JARID2: variants seen among roughly 807,000 people sequenced by gnomAD.
The protein encoded by JARID2 is protein Jumonji.
A neutral mutation model predicts 125.6 loss-of-function variants in JARID2; 21 were observed. That is an observed-to-expected ratio of 0.17 (90% confidence interval 0.12 to 0.24). The LOEUF is 0.24. JARID2 is among the 10% of genes least tolerant of loss of function. The probability of loss-of-function intolerance (pLI) is 1.00; values close to 1 mark genes in which losing one functional copy is unlikely to be tolerated. For synonymous variants in JARID2, 736 were observed against 661.6 expected, an observed-to-expected ratio of 1.11 and a Z score of -1.73; for missense variants, 1,303 against 1,639.6, an observed-to-expected ratio of 0.79 and a Z score of 3.55.
chr6:15,478,762 C>T (rs1432147892), intron 5 of JARID2, among the ~76,000 whole-genome samples: 13 of 151,974 alleles, frequency 8.6e-5, no homozygotes, highest in Non-Finnish European at 1.5e-4. Context: ...CTCCACCTCC[C>T]GGGTTCAAGC....
At chr6:15,474,374 T>G (rs1769238870) in intron 5 of JARID2, among the ~76,000 whole-genome samples, 1 of 152,152 alleles carries the variant, frequency 6.6e-6, no homozygotes, top group Non-Finnish European at 1.5e-5. Context: ...TTGCTCAATA[T>G]GCATATTTGT....
At position 15,517,299 on chromosome 6, in the gene JARID2, C is replaced by T. The variant is rs778238719; in HGVS notation, c.3558+31C>T. ...TCCCTGCCCGCGGGGTAGGGCAGGG[C>T]GGCAGCGTGGCGCCTTCCCTGCTCC... On this transcript the variant is annotated intron_variant, in intron 17 of 17. Transcript: ENST00000341776. The T allele has an allele frequency of 1.6e-5, 23 of 1,483,060 alleles. 1 individual carries two copies. In the Admixed American group the frequency reaches 2.8e-4, roughly 18 times the overall value. 91.9% of individuals were successfully genotyped at this position (1,483,060 alleles called of 1,614,324 possible).
intron 16 of JARID2, among the ~76,000 whole-genome samples, chr6:15,514,989 A>AGT (rs1211744072): frequency 6.6e-6 from 1 of 152,112 alleles, no homozygotes; most frequent in Non-Finnish European, 1.5e-5. Context: ...AGATCTTCAA[A>AGT]GTATCTTATA....
intron 1 of JARID2, among the ~76,000 whole-genome samples, chr6:15,254,625 T>C (rs762124779): frequency 6.6e-6 from 1 of 152,106 alleles, no homozygotes; most frequent in South Asian, 2.1e-4. Flanking sequence ...TCAATTGGAT[T>C]TTAAGTTCTA....
At chr6:15,485,502 G>A (rs1170782141) in intron 5 of JARID2, among the ~76,000 whole-genome samples, 1 of 152,084 alleles carries the variant, frequency 6.6e-6, no homozygotes, top group African/African-American at 2.4e-5. Context: ...CACTAATAAT[G>A]TAGTGTATAC....
chr6:15,519,690 TAAAG>T (rs1391287260), intron 17 of JARID2, among the ~76,000 whole-genome samples: 2 of 152,208 alleles, frequency 1.3e-5, no homozygotes, highest in Non-Finnish European at 2.9e-5. Flanking sequence ...GGCCGGTAGC[TAAAG>T]TGAGTCAAGT....
At chr6:15,409,652 A>G (rs1411145660) in intron 2 of JARID2, among the ~76,000 whole-genome samples, 1 of 152,234 alleles carries the variant, frequency 6.6e-6, no homozygotes, top group Non-Finnish European at 1.5e-5. Context: ...CTGCTATCAT[A>G]GAGAATCCTT....
At chr6:15,501,747 G>A (rs767650289) in intron 8 of JARID2, among the ~76,000 whole-genome samples, 18 of 152,272 alleles carry the variant, frequency 1.2e-4, no homozygotes, top group Non-Finnish European at 2.2e-4. Context: ...AAGATACCAC[G>A]AGTCCATTCC....
chr6:15,473,586 G>A (rs115848191), intron 5 of JARID2, among the ~76,000 whole-genome samples: 1,770 of 147,564 alleles, frequency 0.012, 22 homozygotes, highest in Middle Eastern at 0.025. Flanking sequence ...TAAGAGGGGG[G>A]TGGTGTGATC....
In JARID2 at chr6:15,421,829, C is replaced by G. The variant is rs576744237; in HGVS notation, c.323+11464C>G. 5.3e-5 allele frequency among the ~76,000 whole-genome samples: 8 copies of G among 152,252 alleles called. No homozygotes were observed. The East Asian group carries it at 9.7e-4, about 18-fold the overall frequency. ...TCTGGACAGCAGTTGGCTTGGTGAG[C>G]TGTACTGGGGGTGGGGGTGCAGTTT... is the stretch of plus-strand genomic sequence containing the variant. On this transcript the variant is annotated intron_variant, in intron 3 of 17. Coordinates refer to ENST00000341776, the MANE Select transcript of JARID2 (RefSeq NM_004973.4).
chr6:15,518,304 G>A (rs1561922366), intron 17 of JARID2, among the ~76,000 whole-genome samples: 1 of 152,206 alleles, frequency 6.6e-6, no homozygotes, highest in East Asian at 1.9e-4. Flanking sequence ...CCAGCAGCCT[G>A]TTTCTGTAGT....
chr6:15,285,781 T>TG (rs1383899959), intron 1 of JARID2, among the ~76,000 whole-genome samples: 7 of 152,194 alleles, frequency 4.6e-5, no homozygotes, highest in African/African-American at 1.7e-4. Context: ...TTTCTAGCCA[T>TG]GCATCCTTTT....
At chr6:15,263,869 A>G (rs984575362) in intron 1 of JARID2, among the ~76,000 whole-genome samples, 1 of 152,188 alleles carries the variant, frequency 6.6e-6, no homozygotes, top group Non-Finnish European at 1.5e-5. Flanking sequence ...CTGGGATTAC[A>G]GGCGTGAGCC....
chr6:15,318,628 A>C (rs912267506), intron 1 of JARID2, among the ~76,000 whole-genome samples: 13 of 152,090 alleles, frequency 8.5e-5, no homozygotes, highest in African/African-American at 3.1e-4. Context: ...CCCTTTCCTT[A>C]CAAGGCATCT....
intron 1 of JARID2, among the ~76,000 whole-genome samples, chr6:15,298,829 C>G (rs922603109): frequency 6.6e-6 from 1 of 151,992 alleles, no homozygotes; most frequent in Non-Finnish European, 1.5e-5. Flanking sequence ...TTTTTACTCT[C>G]CATACTCAGT....
Position 15,494,413 on chromosome 6 carries a change from CT to C in JARID2, c.907-1699del, listed in dbSNP as rs60218567. Among the ~76,000 whole-genome samples, 226 of 80,578 alleles carry C rather than the reference CT, an allele frequency of 2.8e-3. 4 individuals are homozygous for C. Among genetic ancestry groups the C allele is most frequent in the African/African-American group, 8.9e-3 (178 of 19,970 alleles). 52.9% of individuals were successfully genotyped at this position (80,578 alleles called of 152,430 possible). On this transcript the variant is annotated intron_variant, in intron 6 of 17. Coordinates refer to ENST00000341776, the MANE Select transcript of JARID2 (RefSeq NM_004973.4). ...ACTGGTTTGGATGTTTTTGGCAAGT[CT>C]TTTTTTTTTTTTTTTTTTTGAGACA...
At chr6:15,346,901 A>G (rs1763261632) in intron 1 of JARID2, among the ~76,000 whole-genome samples, 1 of 151,302 alleles carries the variant, frequency 6.6e-6, no homozygotes, top group South Asian at 2.1e-4. Context: ...ACACCCATCT[A>G]ATTTTTGTAT....
chr6:15,479,899 C>T (rs1320013342), intron 5 of JARID2, among the ~76,000 whole-genome samples: 1 of 152,224 alleles, frequency 6.6e-6, no homozygotes, highest in Admixed American at 6.5e-5. Flanking sequence ...TCCATTTGAA[C>T]TGTTGGCACA....
At chr6:15,487,745 A>G (rs1000020201) in intron 6 of JARID2, among the ~76,000 whole-genome samples, 10 of 152,224 alleles carry the variant, frequency 6.6e-5, no homozygotes, top group Non-Finnish European at 1.3e-4. Flanking sequence ...TTGGATTTGC[A>G]TTCATCCCTG....
Sources: gnomAD v4.1 joint callset for allele counts (sites outside exome capture counted in the v4.1 genomes callset) on GRCh38, gnomAD v4.1.1 for gene constraint, MANE v1.5 for transcripts, NCBI Gene and HGNC (gene_info 2026-07-23, HGNC 2026-07-21) for gene names.